Variants in SIPA1L1 observed in about 807,000 individuals in gnomAD.
The protein encoded by SIPA1L1 is signal-induced proliferation-associated 1-like protein 1.
A neutral mutation model predicts 162.7 loss-of-function variants in SIPA1L1; 26 were observed. The ratio of observed to expected loss-of-function variants is 0.16; its 90% CI spans 0.12 to 0.22. The LOEUF (loss-of-function observed/expected upper bound fraction) is 0.22, where lower values mean the gene tolerates loss of function less well. Ranked by LOEUF, SIPA1L1 falls within the 10% of genes least tolerant of loss-of-function variation. SIPA1L1 has a pLI of 1.00. For synonymous variants in SIPA1L1, 829 were observed against 837.4 expected (o/e 0.99, Z 0.17); for missense variants, 1,874 against 2,241.0 (o/e 0.84, Z 3.31).
intron 4 of SIPA1L1, among the ~76,000 whole-genome samples, chr14:71,576,112 G>A (rs1180306753): frequency 6.6e-6 from 1 of 152,188 alleles, no homozygotes; most frequent in East Asian, 1.9e-4. Context: ...GATAAGGATT[G>A]GACAGATCTT....
intron 14 of SIPA1L1, among the ~76,000 whole-genome samples, chr14:71,702,096 A>G (rs2082135414): frequency 6.6e-6 from 1 of 152,186 alleles, no homozygotes; most frequent in Non-Finnish European, 1.5e-5. Context: ...GGTTTCTTAT[A>G]CTACATACCT....
At chr14:71,416,855 T>C (rs550680886) in intron 2 of SIPA1L1, among the ~76,000 whole-genome samples, 26 of 152,294 alleles carry the variant, frequency 1.7e-4, no homozygotes, top group African/African-American at 5.5e-4. Flanking sequence ...TATTCTAGAA[T>C]ATAAATACTG....
intron 2 of SIPA1L1, among the ~76,000 whole-genome samples, chr14:71,485,819 C>G (rs1045495375): frequency 5.3e-5 from 8 of 152,072 alleles, no homozygotes; most frequent in African/African-American, 1.9e-4. Flanking sequence ...GGCATAGACC[C>G]CCAAATTGAT....
At chr14:71,419,001 G>A (rs1390362067) in intron 2 of SIPA1L1, among the ~76,000 whole-genome samples, 5 of 152,308 alleles carry the variant, frequency 3.3e-5, no homozygotes, top group Non-Finnish European at 7.3e-5. Flanking sequence ...TCTTCAGTGA[G>A]TAGATGATAA....
At chr14:71,705,549 C>T (rs538791974) in intron 16 of SIPA1L1, among the ~76,000 whole-genome samples, 2 of 152,214 alleles carry the variant, frequency 1.3e-5, no homozygotes, top group African/African-American at 4.8e-5. Context: ...TGCTGTGCTT[C>T]TGCCACCCCC....
At chr14:71,553,350 C>T (rs144257336) in intron 4 of SIPA1L1, among the ~76,000 whole-genome samples, 37 of 152,172 alleles carry the variant, frequency 2.4e-4, no homozygotes, top group African/African-American at 8.7e-4. Context: ...TTTGTTCTTT[C>T]AGTGTTTCTA....
chr14:71,593,461 C>G (rs1235598622), intron 5 of SIPA1L1, among the ~76,000 whole-genome samples: 1 of 152,124 alleles, frequency 6.6e-6, no homozygotes, highest in Non-Finnish European at 1.5e-5. Context: ...ATCTGCCTGC[C>G]TTGGCCTCCC....
intron 12 of SIPA1L1, among the ~76,000 whole-genome samples, chr14:71,673,170 C>T (rs2044713756): frequency 6.6e-6 from 1 of 152,206 alleles, no homozygotes. Flanking sequence ...ATTTTGGTTC[C>T]TAGTCTTTTC....
At chr14:71,483,311 C>T (rs142457909) in intron 2 of SIPA1L1, among the ~76,000 whole-genome samples, 209 of 152,264 alleles carry the variant, frequency 1.4e-3, no homozygotes, top group Non-Finnish European at 2.5e-3. Flanking sequence ...TAGTGGGGAA[C>T]GTGCTCTGTG....
chr14:71,403,180 C>T (rs992561521), intron 2 of SIPA1L1, among the ~76,000 whole-genome samples: 5 of 152,190 alleles, frequency 3.3e-5, no homozygotes, highest in African/African-American at 1.2e-4. Context: ...ATGTACTTCT[C>T]TGCCTCAATA....
At chr14:71,580,771 C>T (rs1011669763) in intron 4 of SIPA1L1, among the ~76,000 whole-genome samples, 1 of 152,120 alleles carries the variant, frequency 6.6e-6, no homozygotes, top group African/African-American at 2.4e-5. Flanking sequence ...GGTCATCATA[C>T]TGCATTCCCA....
At chr14:71,715,864 A>G (rs2083229532) in intron 17 of SIPA1L1, among the ~76,000 whole-genome samples, 2 of 152,236 alleles carry the variant, frequency 1.3e-5, no homozygotes, top group South Asian at 4.1e-4. Flanking sequence ...AAACTTGGAC[A>G]TGACACTCTT....
intron 4 of SIPA1L1, among the ~76,000 whole-genome samples, chr14:71,581,663 T>G (rs1275017149): frequency 6.6e-6 from 1 of 152,208 alleles, no homozygotes; most frequent in African/African-American, 2.4e-5. Flanking sequence ...CAGTTGTATT[T>G]TATCATACAA....
intron 2 of SIPA1L1, among the ~76,000 whole-genome samples, chr14:71,361,025 T>C (rs2037761180): frequency 6.6e-6 from 1 of 152,138 alleles, no homozygotes; most frequent in African/African-American, 2.4e-5. Context: ...ATATATTTTT[T>C]TTTCCTGAGG....
At chr14:71,407,694 A>G (rs1416903905) in intron 2 of SIPA1L1, among the ~76,000 whole-genome samples, 1 of 152,112 alleles carries the variant, frequency 6.6e-6, no homozygotes, top group Non-Finnish European at 1.5e-5. Context: ...TTGTAGAGAC[A>G]AGGTTTTGCC....
intron 2 of SIPA1L1, among the ~76,000 whole-genome samples, chr14:71,386,813 T>C (rs1198707031): frequency 6.6e-6 from 1 of 152,228 alleles, no homozygotes; most frequent in Non-Finnish European, 1.5e-5. Flanking sequence ...ACAGACCAAG[T>C]TGATCTACTG....
At chr14:71,549,293 A>G (rs1395864125) in intron 4 of SIPA1L1, among the ~76,000 whole-genome samples, 1 of 151,472 alleles carries the variant, frequency 6.6e-6, no homozygotes, top group Non-Finnish European at 1.5e-5. Flanking sequence ...TCACCTCATC[A>G]TCTAGGGAAG....
chr14:71,579,833 C>T (rs921932208), intron 4 of SIPA1L1, among the ~76,000 whole-genome samples: 4 of 152,146 alleles, frequency 2.6e-5, no homozygotes, highest in African/African-American at 9.7e-5. Context: ...CTTTTTGGAA[C>T]ATAAATATTC....
At chr14:71,630,034 T>C (rs2040415001) in intron 7 of SIPA1L1, among the ~76,000 whole-genome samples, 1 of 152,200 alleles carries the variant, frequency 6.6e-6, no homozygotes, top group Non-Finnish European at 1.5e-5. Flanking sequence ...TTTTGAAAAA[T>C]GATCCATAGG....
Sources: allele counts gnomAD v4.1 joint callset (sites outside exome capture counted in the v4.1 genomes callset), GRCh38; gene constraint gnomAD v4.1.1; transcripts MANE v1.5; gene names NCBI Gene and HGNC (gene_info 2026-07-23, HGNC 2026-07-21).